The following DNM3 variants were observed in gnomAD, a reference collection of about 807,000 sequenced individuals.
DNM3 encodes dynamin 3, also known as dynamin-3.
Under a neutral mutation model 101.6 loss-of-function variants are expected in DNM3, and 47 were observed. That is an observed-to-expected ratio of 0.46 (90% CI 0.37 to 0.59). The LOEUF (loss-of-function observed/expected upper bound fraction) is 0.59. Among genes scored for constraint, DNM3 ranks in the 20% least tolerant of loss-of-function variants. The pLI, the probability that DNM3 is intolerant of heterozygous loss-of-function variation, is 0.00. For synonymous variants in DNM3, 385 were observed against 387.9 expected, an observed-to-expected ratio of 0.99 and a Z score of 0.09; for missense variants, 849 against 1,085.7, an observed-to-expected ratio of 0.78 and a Z score of 3.06.
chr1:172,254,851 A>G (rs2062335987), intron 15 of DNM3, among the ~76,000 whole-genome samples: 1 of 152,154 alleles, frequency 6.6e-6, no homozygotes, highest in Admixed American at 6.6e-5. Context: ...GTTTTTCCAA[A>G]TGAAAATGTT....
chr1:171,994,703 T>A (rs1187012085), intron 4 of DNM3, among the ~76,000 whole-genome samples: 1 of 143,016 alleles, frequency 7.0e-6, no homozygotes, highest in East Asian at 2.0e-4. Flanking sequence ...TTTTGGTTAG[T>A]TTTTTCTTTC....
At chr1:172,296,488 T>G (rs1422861973) in intron 15 of DNM3, among the ~76,000 whole-genome samples, 1 of 152,196 alleles carries the variant, frequency 6.6e-6, no homozygotes, top group Admixed American at 6.5e-5. Context: ...ACAACCCTCC[T>G]ATGTCTAGGG....
intron 14 of DNM3, among the ~76,000 whole-genome samples, chr1:172,237,425 C>G (rs2061586637): frequency 6.6e-6 from 1 of 152,164 alleles, no homozygotes; most frequent in African/African-American, 2.4e-5. Flanking sequence ...CACTTTTCTG[C>G]TGGTCTTACT....
intron 1 of DNM3, among the ~76,000 whole-genome samples, chr1:171,910,760 T>C (rs139926075): frequency 1.4e-3 from 210 of 152,296 alleles, no homozygotes; most frequent in African/African-American, 4.9e-3. Context: ...ACTATGAGCC[T>C]GTAAGTCTGT....
At chr1:172,201,548 C>T (rs2060152603) in intron 14 of DNM3, among the ~76,000 whole-genome samples, 1 of 152,158 alleles carries the variant, frequency 6.6e-6, no homozygotes, top group Non-Finnish European at 1.5e-5. Context: ...GCCAGGGGTT[C>T]CCTGTGTGGT....
At chr1:172,101,687 A>G (rs560141566) in intron 13 of DNM3, among the ~76,000 whole-genome samples, 135 of 152,272 alleles carry the variant, frequency 8.9e-4, no homozygotes, top group Non-Finnish European at 1.5e-3. Flanking sequence ...TTGCCCAGTC[A>G]CACAGATCAT....
chr1:172,367,629 A>G (rs1418076659), intron 17 of DNM3, among the ~76,000 whole-genome samples: 1 of 151,828 alleles, frequency 6.6e-6, no homozygotes, highest in Admixed American at 6.6e-5. Flanking sequence ...AAATTCCCAA[A>G]TTAAAAGATA....
At chr1:172,318,921 C>A (rs550345794) in intron 16 of DNM3, among the ~76,000 whole-genome samples, 6 of 152,112 alleles carry the variant, frequency 3.9e-5, no homozygotes, top group Non-Finnish European at 2.9e-5. Context: ...AAAGAGCCTG[C>A]ATCGCCAAGT....
chr1:172,388,836 G>A (rs949576036), intron 20 of DNM3, 27 bp downstream of exon 20: 4 of 1,516,846 alleles, frequency 2.6e-6, no homozygotes, highest in Non-Finnish European at 3.6e-6. Context: ...AAATTGGGGG[G>A]GTAGTGCGCC....
At position 172,174,241 on chromosome 1, in the gene DNM3, A is replaced by T. The variant is rs1231169121; in HGVS notation, c.1659+42953A>T. On this transcript the variant is annotated intron_variant, in intron 14 of 20. Coordinates refer to ENST00000627582, the MANE Select transcript of DNM3 (RefSeq NM_015569.5). The stretch of plus-strand genomic sequence containing the variant: ...CCTGAAACAAATTTGATGGTTGAGT[A>T]TAGAATGATTTTTTTTTCTCCTTTT... Among the ~76,000 whole-genome samples the T allele has an allele frequency of 2.6e-5, 4 of 151,644 alleles. No individual in the cohort carries two copies. In the East Asian group the frequency reaches 7.8e-4, roughly 29 times the overall value.
At chr1:172,337,866 T>TTTTATTTTAATTTTA (rs2066501774) in intron 17 of DNM3, among the ~76,000 whole-genome samples, 4 of 113,130 alleles carry the variant, frequency 3.5e-5, no homozygotes, top group African/African-American at 1.3e-4. Context: ...TTTTATTTTA[T>TTTTATTTTAATTTTA]TTTTATTTTA....
chr1:172,165,042 G>A (rs2058697938), intron 14 of DNM3, among the ~76,000 whole-genome samples: 1 of 152,086 alleles, frequency 6.6e-6, no homozygotes. Flanking sequence ...GTACAATGTA[G>A]TCTGGAGATC....
chr1:171,962,143 A>G (rs1340974396), intron 2 of DNM3, among the ~76,000 whole-genome samples: 1 of 152,216 alleles, frequency 6.6e-6, no homozygotes, highest in African/African-American at 2.4e-5. Flanking sequence ...TAGTTAACCC[A>G]TGAATCCATT....
intron 14 of DNM3, among the ~76,000 whole-genome samples, chr1:172,202,475 A>G (rs1354699447): frequency 6.6e-6 from 1 of 152,174 alleles, no homozygotes; most frequent in Non-Finnish European, 1.5e-5. Flanking sequence ...CACGCTTTCA[A>G]ATATCCTACT....
intron 14 of DNM3, among the ~76,000 whole-genome samples, chr1:172,229,323 A>G (rs1361349343): frequency 6.6e-6 from 1 of 152,202 alleles, no homozygotes; most frequent in Non-Finnish European, 1.5e-5. Flanking sequence ...AATAGGAAAA[A>G]CAGGTATAAA....
intron 4 of DNM3, among the ~76,000 whole-genome samples, chr1:172,002,077 A>G (rs1278158997): frequency 1.3e-5 from 2 of 152,074 alleles, no homozygotes; most frequent in Non-Finnish European, 2.9e-5. Flanking sequence ...TTTTCCAGGT[A>G]CTATATCTGT....
At chr1:172,399,167 A>G (rs903607154) in intron 20 of DNM3, among the ~76,000 whole-genome samples, 3 of 152,128 alleles carry the variant, frequency 2.0e-5, no homozygotes, top group Admixed American at 1.3e-4. Flanking sequence ...CAGGGGACAT[A>G]TTATTCTTTA....
At chr1:172,163,166 G>C (rs1041031956) in intron 14 of DNM3, among the ~76,000 whole-genome samples, 7 of 151,746 alleles carry the variant, frequency 4.6e-5, no homozygotes, top group Admixed American at 3.3e-4. Context: ...TTTTGTGTGT[G>C]TGTGCAGTGG....
intron 1 of DNM3, among the ~76,000 whole-genome samples, chr1:171,908,747 A>G (rs2039038883): frequency 6.6e-6 from 1 of 152,196 alleles, no homozygotes; most frequent in South Asian, 2.1e-4. Flanking sequence ...ACATTAACAG[A>G]TACCTCTATA....
Sources: gnomAD v4.1 joint callset for allele counts (sites outside exome capture counted in the v4.1 genomes callset) on GRCh38, gnomAD v4.1.1 for gene constraint, MANE v1.5 for transcripts, NCBI Gene and HGNC (gene_info 2026-07-23, HGNC 2026-07-21) for gene names.